Variants in LRRN3 observed in about 807,000 individuals in gnomAD.
LRRN3 encodes the protein leucine-rich repeat neuronal protein 3.
Under a neutral mutation model 40.1 loss-of-function variants are expected in LRRN3, and 15 were observed. That is an observed-to-expected ratio of 0.37 (90% CI 0.25 to 0.58). The LOEUF is 0.58. LRRN3 is among the 20% of genes least tolerant of loss of function. The pLI is 0.72. For missense variants in LRRN3, 746 were observed against 837.7 expected, an observed-to-expected ratio of 0.89 and a Z score of 1.35; for synonymous variants, 308 against 297.2, an observed-to-expected ratio of 1.04 and a Z score of -0.37.
At chr7:111,106,810 AAC>A (rs975371593) in intron 2 of LRRN3, among the ~76,000 whole-genome samples, 5 of 151,240 alleles carry the variant, frequency 3.3e-5, no homozygotes, top group African/African-American at 1.2e-4. Flanking sequence ...AAATGGAATC[AAC>A]ACACAAATAG....
At chr7:111,112,426 G>A (rs577670480) in intron 2 of LRRN3, among the ~76,000 whole-genome samples, 1 of 152,164 alleles carries the variant, frequency 6.6e-6, no homozygotes, top group Admixed American at 6.5e-5. Context: ...CATTTAACAC[G>A]AGTGTTAGGG....
chr7:111,109,756 T>C (rs539139945), intron 2 of LRRN3, among the ~76,000 whole-genome samples: 1 of 152,326 alleles, frequency 6.6e-6, no homozygotes, highest in Non-Finnish European at 1.5e-5. Context: ...TGTAGCACAA[T>C]ATGACTGTGA....
chr7:111,112,243 C>T (rs1049615248), intron 2 of LRRN3, among the ~76,000 whole-genome samples: 2 of 152,064 alleles, frequency 1.3e-5, no homozygotes, highest in Admixed American at 6.6e-5. Context: ...GGATTACAGG[C>T]ATGAGCCACC....
At chr7:111,104,423 T>C (rs1290615861) in intron 2 of LRRN3, among the ~76,000 whole-genome samples, 3 of 151,856 alleles carry the variant, frequency 2.0e-5, no homozygotes, top group African/African-American at 7.2e-5. Flanking sequence ...TTCTCACTTC[T>C]GTTGATAATG....
At chr7:111,096,699 TA>T (rs1302877685) in intron 1 of LRRN3, among the ~76,000 whole-genome samples, 6 of 151,928 alleles carry the variant, frequency 3.9e-5, no homozygotes, top group Non-Finnish European at 7.4e-5. Context: ...TCCAGGTTAC[TA>T]AAAATTATGA....
chr7:111,122,826 A>G lies in LRRN3; in HGVS notation c.54A>G (p.Thr18=), dbSNP rs1226047056. ...IHVLLGLAIT[T]LVQAVDKKVD... ...TGCTACTTGGCCTAGCTATCACTAC[A>G]CTAGTACAAGCTGTAGATAAAAAAG... Residue 18 remains threonine (T), a synonymous_variant, in exon 3 of 3, where the codon ACA becomes ACG. Coordinates refer to ENST00000308478, the MANE Select transcript of LRRN3 (RefSeq NM_001099658.2). The G allele has an allele frequency of 6.2e-7, 1 of 1,613,792 alleles. No homozygotes were observed. Among genetic ancestry groups the G allele is most frequent in the African/African-American group, 1.3e-5 (1 of 74,904 alleles).
intron 2 of LRRN3, among the ~76,000 whole-genome samples, chr7:111,104,151 A>G (rs1307863893): frequency 6.6e-6 from 1 of 151,716 alleles, no homozygotes; most frequent in Non-Finnish European, 1.5e-5. Flanking sequence ...GCTGGAGGAT[A>G]CCTTCCTTCA....
chr7:111,107,161 C>T (rs1252691834), intron 2 of LRRN3, among the ~76,000 whole-genome samples: 6 of 59,330 alleles, frequency 1.0e-4, no homozygotes, highest in African/African-American at 3.8e-4. Flanking sequence ...CAGAAACTTC[C>T]TTCTTTCCCC....
At chr7:111,107,677 G>A (rs767475004) in intron 2 of LRRN3, among the ~76,000 whole-genome samples, 15 of 152,026 alleles carry the variant, frequency 9.9e-5, no homozygotes, top group African/African-American at 2.2e-4. Context: ...CAATAGATGC[G>A]TTTCATGCTC....
At chr7:111,091,776 G>A (rs899797827) in intron 1 of LRRN3, among the ~76,000 whole-genome samples, 1 of 151,748 alleles carries the variant, frequency 6.6e-6, no homozygotes, top group Non-Finnish European at 1.5e-5. Context: ...AGCAGTGTTG[G>A]GGGGAGGAGA....
intron 2 of LRRN3, among the ~76,000 whole-genome samples, chr7:111,122,203 C>G (rs549246853): frequency 1.3e-4 from 20 of 150,460 alleles, no homozygotes; most frequent in African/African-American, 5.0e-4. Flanking sequence ...GCACATGTAC[C>G]CTAAAACTTA....
At chr7:111,095,139 G>A (rs776138120) in intron 1 of LRRN3, among the ~76,000 whole-genome samples, 1 of 151,834 alleles carries the variant, frequency 6.6e-6, no homozygotes, top group Non-Finnish European at 1.5e-5. Flanking sequence ...TTCAGGAGAC[G>A]GGGAATAAAG....
chr7:111,109,854 G>A (rs1314459878), intron 2 of LRRN3, among the ~76,000 whole-genome samples: 1 of 152,168 alleles, frequency 6.6e-6, no homozygotes, highest in Admixed American at 6.5e-5. Context: ...AGTCTTCAGG[G>A]GCTGGGCGCG....
At chr7:111,117,314 A>G (rs1469829742) in intron 2 of LRRN3, among the ~76,000 whole-genome samples, 1 of 152,128 alleles carries the variant, frequency 6.6e-6, no homozygotes, top group Non-Finnish European at 1.5e-5. Flanking sequence ...AGAATCTTAC[A>G]ACTCATGCAA....
rs1184173448 is a variant in LRRN3, at chr7:111,124,813, A to C, written c.2041A>C (p.Ile681Leu). The change falls in exon 3 of 3, where the codon ATA (isoleucine) becomes CTA (leucine). Residue 681 changes from isoleucine (I) to leucine (L), a missense_variant. Physicochemically the swap from Ile to Leu is conservative, Grantham distance 5. Coordinates refer to ENST00000308478, the MANE Select transcript of LRRN3 (RefSeq NM_001099658.2). ...ATTAGGTGAGCTTTATCCTCCTCTG[A>C]TAAATCTCTGGGAAGCAGGAAAAGA... ...FALGELYPPL[I>L]NLWEAGKEKS... 6.2e-7 allele frequency: 1 copy of C among 1,613,240 alleles called. No individual in the cohort carries two copies. The highest frequency in any genetic ancestry group is 1.1e-5 in the South Asian group (1 of 91,054).
At chr7:111,112,013 T>C (rs2129583975) in intron 2 of LRRN3, among the ~76,000 whole-genome samples, 1 of 145,268 alleles carries the variant, frequency 6.9e-6, no homozygotes, top group African/African-American at 2.6e-5. Context: ...AGTGGTGCGA[T>C]CTCGGCTCAC....
At chr7:111,091,984 T>C (rs1456452174) in intron 1 of LRRN3, among the ~76,000 whole-genome samples, 1 of 152,186 alleles carries the variant, frequency 6.6e-6, no homozygotes, top group Non-Finnish European at 1.5e-5. Flanking sequence ...TGTTTTGAAA[T>C]CAACCCACCA....
intron 2 of LRRN3, among the ~76,000 whole-genome samples, chr7:111,101,886 A>C (rs951997024): frequency 6.6e-6 from 1 of 151,534 alleles, no homozygotes; most frequent in African/African-American, 2.4e-5. Context: ...CAGTCAGGTG[A>C]TATCTGTAGA....
chr7:111,105,924 A>C (rs1407856257), intron 2 of LRRN3, among the ~76,000 whole-genome samples: 1 of 151,942 alleles, frequency 6.6e-6, no homozygotes, highest in Non-Finnish European at 1.5e-5. Flanking sequence ...TCTACGCATG[A>C]CACTCCCAGG....
Sources: gnomAD v4.1 joint callset for allele counts (sites outside exome capture counted in the v4.1 genomes callset) on GRCh38, gnomAD v4.1.1 for gene constraint, MANE v1.5 for transcripts, NCBI Gene and HGNC (gene_info 2026-07-23, HGNC 2026-07-21) for gene names.